Variants in WWOX observed in about 807,000 individuals in gnomAD.
WWOX encodes WW domain containing oxidoreductase.
Under a neutral mutation model 46.2 loss-of-function variants are expected in WWOX, and 69 were observed. The ratio of observed to expected loss-of-function variants is 1.49; its 90% confidence interval spans 1.23 to 1.82. WWOX has a LOEUF of 1.82. Ranked by LOEUF, WWOX falls within the 40% of genes most tolerant of loss-of-function variation. The probability of loss-of-function intolerance (pLI) is 0.00; values close to 1 mark genes in which losing one functional copy is unlikely to be tolerated. For synonymous variants in WWOX, 359 were observed against 202.6 expected (o/e 1.77, Z -6.56); for missense variants, 919 against 542.6 (o/e 1.69, Z -6.89).
intron 8 of WWOX, among the ~76,000 whole-genome samples, chr16:78,463,007 T>G (rs1171417953): frequency 3.3e-5 from 5 of 152,240 alleles, no homozygotes; most frequent in Non-Finnish European, 5.9e-5. Context: ...GCAGGCGCAG[T>G]GACATTTATG....
At chr16:79,080,801 T>C (rs894569136) in intron 8 of WWOX, among the ~76,000 whole-genome samples, 1 of 152,178 alleles carries the variant, frequency 6.6e-6, no homozygotes, top group African/African-American at 2.4e-5. Flanking sequence ...GCAACATCTC[T>C]AAAAGAATTT....
chr16:79,002,764 T>C (rs1260207075), intron 8 of WWOX, among the ~76,000 whole-genome samples: 5 of 152,232 alleles, frequency 3.3e-5, no homozygotes, highest in Admixed American at 3.3e-4. Flanking sequence ...TCCCTGTCTA[T>C]AAGGGGAAAA....
rs1241181044 is a variant in WWOX at position 78,238,584 on chromosome 16, A to C, written c.516+74295A>C. ...TAGGATGTTGCCCCAAACCCCGCAA[A>C]GGTATTTTGTAATATGCAGTATATG... On this transcript the variant is annotated intron_variant, in intron 5 of 8. Transcript: ENST00000566780. Among the ~76,000 whole-genome samples, 4 of 151,904 alleles carry C rather than the reference A, an allele frequency of 2.6e-5. No individual in the cohort carries two copies. The East Asian group carries it at 7.8e-4, about 30-fold the overall frequency.
chr16:78,543,882 G>A (rs2043959339), intron 8 of WWOX, among the ~76,000 whole-genome samples: 1 of 152,144 alleles, frequency 6.6e-6, no homozygotes, highest in Admixed American at 6.5e-5. Flanking sequence ...TTTGTATCAA[G>A]GACGGTTGGT....
intron 5 of WWOX, among the ~76,000 whole-genome samples, chr16:78,276,452 A>G (rs890043055): frequency 2.6e-5 from 4 of 152,212 alleles, no homozygotes; most frequent in Non-Finnish European, 4.4e-5. Flanking sequence ...ATGTCAAGGA[A>G]CAATGCACAA....
chr16:79,198,079 C>G (rs1384842997), intron 8 of WWOX, among the ~76,000 whole-genome samples: 2 of 151,590 alleles, frequency 1.3e-5, no homozygotes, highest in Admixed American at 1.3e-4. Context: ...AATCCCAGCA[C>G]TTGGGGAGGC....
intron 8 of WWOX, among the ~76,000 whole-genome samples, chr16:78,764,718 G>A (rs2049887475): frequency 6.6e-6 from 1 of 150,908 alleles, no homozygotes; most frequent in Non-Finnish European, 1.5e-5. Context: ...TGCAATTCTA[G>A]TACCTCCTTC....
intron 5 of WWOX, among the ~76,000 whole-genome samples, chr16:78,372,062 G>A (rs773668340): frequency 4.6e-5 from 7 of 152,080 alleles, no homozygotes; most frequent in Non-Finnish European, 7.4e-5. Flanking sequence ...TAAGTCTCAC[G>A]GCTATGCCTA....
At chr16:78,119,609 G>C (rs1042237441) in intron 4 of WWOX, among the ~76,000 whole-genome samples, 6 of 151,464 alleles carry the variant, frequency 4.0e-5, no homozygotes, top group Admixed American at 3.9e-4. Flanking sequence ...TCCAGGGTTT[G>C]TGAGACATCC....
Position 78,187,781 on chromosome 16 carries a change from C to T in WWOX, c.516+23492C>T, listed in dbSNP as rs1031326584. Among the ~76,000 whole-genome samples, 3 of 152,306 alleles carry T rather than the reference C, an allele frequency of 2.0e-5. No individual in the cohort carries two copies. The East Asian group carries it at 5.8e-4, about 29-fold the overall frequency. On this transcript the variant is annotated intron_variant, in intron 5 of 8. Transcript: ENST00000566780. ...AGGTTTCAGGACCCATGTCTGTTGT[C>T]CTTCCTTTACCTTAACTTCAGCAGG...
At chr16:78,486,094 G>C (rs757451284) in intron 8 of WWOX, among the ~76,000 whole-genome samples, 6 of 152,170 alleles carry the variant, frequency 3.9e-5, no homozygotes, top group African/African-American at 7.2e-5. Flanking sequence ...TCTATGTGAG[G>C]GGGTGTGTGG....
At chr16:78,197,722 A>G (rs990587116) in intron 5 of WWOX, among the ~76,000 whole-genome samples, 1 of 152,206 alleles carries the variant, frequency 6.6e-6, no homozygotes, top group African/African-American at 2.4e-5. Context: ...TAATAACCCC[A>G]TGAAAAGGAT....
intron 8 of WWOX, among the ~76,000 whole-genome samples, chr16:79,054,298 C>T (rs941246018): frequency 1.1e-4 from 16 of 152,214 alleles, no homozygotes; most frequent in African/African-American, 2.9e-4. Context: ...TAGTTAGGCC[C>T]GCAAAACATA....
chr16:78,692,800 T>C (rs1190337506), intron 8 of WWOX, among the ~76,000 whole-genome samples: 1 of 152,218 alleles, frequency 6.6e-6, no homozygotes, highest in Non-Finnish European at 1.5e-5. Context: ...CCAGAGTTCA[T>C]TTGAAGTCAT....
intron 8 of WWOX, chr16:78,826,096 C>T (rs2051648087): frequency 3.0e-6 from 1 of 336,404 alleles, no homozygotes; most frequent in Non-Finnish European, 5.4e-6. Flanking sequence ...CCGGGAATGC[C>T]TGTAATCCCA....
intron 5 of WWOX, among the ~76,000 whole-genome samples, chr16:78,168,797 A>G (rs1256972079): frequency 1.3e-5 from 2 of 152,198 alleles, no homozygotes; most frequent in African/African-American, 4.8e-5. Flanking sequence ...GCTATTTAAT[A>G]AAATACAACT....
intron 5 of WWOX, among the ~76,000 whole-genome samples, chr16:78,347,330 A>C (rs911408728): frequency 2.6e-5 from 3 of 117,250 alleles, no homozygotes; most frequent in East Asian, 3.9e-4. Flanking sequence ...TTCAGTCATC[A>C]AATCCATTCC....
At chr16:78,820,897 C>G (rs1036881989) in intron 8 of WWOX, among the ~76,000 whole-genome samples, 3 of 152,170 alleles carry the variant, frequency 2.0e-5, no homozygotes, top group Non-Finnish European at 2.9e-5. Flanking sequence ...ACACCACATT[C>G]TAATCTCTAC....
At chr16:78,728,681 A>G (rs1376667388) in intron 8 of WWOX, among the ~76,000 whole-genome samples, 7 of 152,184 alleles carry the variant, frequency 4.6e-5, no homozygotes, top group Non-Finnish European at 1.0e-4. Context: ...CACTTTGACA[A>G]CCACAGGTCT....
Sources: allele counts gnomAD v4.1 joint callset (sites outside exome capture counted in the v4.1 genomes callset), GRCh38; gene constraint gnomAD v4.1.1; transcripts MANE v1.5; gene names NCBI Gene and HGNC (gene_info 2026-07-23, HGNC 2026-07-21).